CA10: variants seen among roughly 807,000 people sequenced by gnomAD.
CA10 encodes carbonic anhydrase 10 (inactive), also known as carbonic anhydrase-related protein 10.
CA10 carries 14 observed loss-of-function variants against 44.2 expected under a neutral mutation model. The ratio of observed to expected loss-of-function variants is 0.32; its 90% CI spans 0.21 to 0.50. CA10 has a LOEUF of 0.50. Ranked by LOEUF, CA10 falls within the 20% of genes least tolerant of loss-of-function variation. The pLI, the probability that CA10 is intolerant of heterozygous loss-of-function variation, is 0.99. For missense variants in CA10, 350 were observed against 409.7 expected (o/e 0.85, Z 1.26); for synonymous variants, 159 against 141.6 (o/e 1.12, Z -0.87).
At chr17:52,068,621 A>G (rs1987598022) in intron 2 of CA10, among the ~76,000 whole-genome samples, 1 of 152,216 alleles carries the variant, frequency 6.6e-6, no homozygotes, top group African/African-American at 2.4e-5. Flanking sequence ...CAAGTGACAG[A>G]AAGTCTGACT....
chr17:51,794,702 G>A (rs1906643314), intron 3 of CA10, among the ~76,000 whole-genome samples: 1 of 152,160 alleles, frequency 6.6e-6, no homozygotes, highest in African/African-American at 2.4e-5. Context: ...CACTGGAATA[G>A]AGATTGTCAG....
chr17:51,989,595 C>T, intron 2 of CA10, among the ~76,000 whole-genome samples: 1 of 152,044 alleles, frequency 6.6e-6, no homozygotes, highest in Non-Finnish European at 1.5e-5. Flanking sequence ...AATGTGGTAC[C>T]TATAACCATA....
intron 3 of CA10, among the ~76,000 whole-genome samples, chr17:51,813,012 A>C (rs774160479): frequency 6.6e-6 from 1 of 152,240 alleles, no homozygotes; most frequent in Non-Finnish European, 1.5e-5. Flanking sequence ...TATTTACTTT[A>C]AAAAGTTCAA....
At chr17:52,013,635 G>A (rs1005908324) in intron 2 of CA10, among the ~76,000 whole-genome samples, 1 of 151,928 alleles carries the variant, frequency 6.6e-6, no homozygotes, top group East Asian at 1.9e-4. Flanking sequence ...ACTTGTTAGA[G>A]TATATACTTG....
intron 1 of CA10, among the ~76,000 whole-genome samples, chr17:52,125,561 T>C (rs777873480): frequency 2.0e-4 from 30 of 152,316 alleles, no homozygotes; most frequent in Middle Eastern, 3.4e-3. Context: ...AGGAGTACCC[T>C]ATATGTAAAT....
At chr17:52,000,284 T>G (rs760743878) in intron 2 of CA10, among the ~76,000 whole-genome samples, 4 of 152,078 alleles carry the variant, frequency 2.6e-5, no homozygotes, top group Non-Finnish European at 5.9e-5. Flanking sequence ...CTATGGTTTC[T>G]GAATATCCTG....
intron 4 of CA10, among the ~76,000 whole-genome samples, chr17:51,738,892 T>C (rs1159145854): frequency 3.3e-5 from 5 of 152,218 alleles, no homozygotes; most frequent in Non-Finnish European, 7.3e-5. Flanking sequence ...TCAGGAAACT[T>C]GGGTTCTGGT....
chr17:51,631,612 A>AAGAG lies in CA10; in HGVS notation c.965-10_965-7dup. 1 of 1,611,208 alleles carries AAGAG rather than the reference A, an allele frequency of 6.2e-7. No homozygotes were observed. The highest frequency in any genetic ancestry group is 1.1e-5 in the South Asian group (1 of 90,868). On this transcript the variant is annotated splice_polypyrimidine_tract_variant and splice_region_variant and intron_variant, in intron 8 of 8. Transcript: ENST00000451037. ...CTTGAGGAGCCATTCATTTACTGCA[A>AAGAG]AGAGAGAGAAAGAAAAAAAAAATCA...
At chr17:52,139,893 C>CTGTTTGGAGTGGG (rs1278228916) in intron 1 of CA10, among the ~76,000 whole-genome samples, 3 of 152,144 alleles carry the variant, frequency 2.0e-5, no homozygotes, top group Non-Finnish European at 4.4e-5. Flanking sequence ...AGTTAAGTGG[C>CTGTTTGGAGTGGG]TGTTTGGAGT....
At chr17:52,054,946 C>G (rs2058310) in intron 2 of CA10, among the ~76,000 whole-genome samples, 151,029 of 152,202 alleles carry the variant, frequency 0.99, 74,943 homozygotes, top group East Asian at 1. Context: ...ATAAGATTTA[C>G]TGAGCTCTTA....
At chr17:52,081,984 C>T (rs535938909) in intron 1 of CA10, among the ~76,000 whole-genome samples, 4 of 152,214 alleles carry the variant, frequency 2.6e-5, no homozygotes, top group Admixed American at 2.0e-4. Context: ...CATCTTCAGT[C>T]TCCTCATGGC....
chr17:52,046,265 G>GAACT lies in CA10; in HGVS notation c.136+26050_136+26053dup, dbSNP rs1454360244. 2.7e-5 allele frequency among the ~76,000 whole-genome samples: 4 copies of GAACT among 149,042 alleles called. 1 individual carries two copies. In the East Asian group the frequency reaches 8.0e-4, roughly 30 times the overall value. On this transcript the variant is annotated intron_variant, in intron 2 of 8. Coordinates refer to ENST00000451037, the MANE Select transcript of CA10 (RefSeq NM_020178.5). Reference sequence around the variant, plus strand: ...AAAGAAAATCCATGACACCAACCAAGAACTGTTCTTTTGAGAAATTGACAA... The same window carrying GAACT: ...AAAGAAAATCCATGACACCAACCAAGAACTAACTGTTCTTTTGAGAAATTGACAA...
intron 2 of CA10, among the ~76,000 whole-genome samples, chr17:52,005,049 G>A (rs1025469885): frequency 3.3e-5 from 5 of 151,736 alleles, no homozygotes; most frequent in Non-Finnish European, 7.4e-5. Context: ...AACTTCAATC[G>A]TATATTAGCA....
Position 51,868,891 on chromosome 17 carries a change from G to T in CA10, c.279+62099C>A, listed in dbSNP as rs796747349. Among the ~76,000 whole-genome samples, 493 of 139,376 alleles carry T rather than the reference G, an allele frequency of 3.5e-3. 3 individuals are homozygous for T. The highest frequency in any genetic ancestry group is 0.011 in the African/African-American group (419 of 38,664). 91.4% of individuals were successfully genotyped at this position (139,376 alleles called of 152,430 possible). ...TAGCTATGAAGCCAAAAGTTTTTTT[G>T]TTTTTTTTTTTTTACAAAAGATGTT... On this transcript the variant is annotated intron_variant, in intron 3 of 8. Transcript: ENST00000451037.
At chr17:51,674,621 A>G (rs1461155275) in intron 4 of CA10, among the ~76,000 whole-genome samples, 2 of 152,362 alleles carry the variant, frequency 1.3e-5, no homozygotes, top group East Asian at 1.9e-4. Context: ...TAATTAATCC[A>G]TACATCTACC....
At chr17:52,140,960 G>T (rs754565680) in intron 1 of CA10, among the ~76,000 whole-genome samples, 31 of 152,106 alleles carry the variant, frequency 2.0e-4, no homozygotes, top group Non-Finnish European at 3.5e-4. Flanking sequence ...ATCATCAGGG[G>T]GAAAGTTTGA....
At chr17:52,041,901 G>A (rs558023602) in intron 2 of CA10, among the ~76,000 whole-genome samples, 4 of 152,110 alleles carry the variant, frequency 2.6e-5, no homozygotes, top group African/African-American at 4.8e-5. Context: ...CATTCATGTC[G>A]TGGCAAGTGA....
chr17:51,960,903 C>G (rs1421458382), intron 2 of CA10, among the ~76,000 whole-genome samples: 1 of 152,146 alleles, frequency 6.6e-6, no homozygotes, highest in Non-Finnish European at 1.5e-5. Flanking sequence ...TTTAATCAAA[C>G]ATGAGTCTAG....
chr17:51,676,484 T>A (rs1440630749), intron 4 of CA10, among the ~76,000 whole-genome samples: 1 of 152,192 alleles, frequency 6.6e-6, no homozygotes, highest in African/African-American at 2.4e-5. Context: ...CACCCAGACC[T>A]ACTGCACCAG....
Sources: allele counts gnomAD v4.1 joint callset (sites outside exome capture counted in the v4.1 genomes callset), GRCh38; gene constraint gnomAD v4.1.1; transcripts MANE v1.5; gene names NCBI Gene and HGNC (gene_info 2026-07-23, HGNC 2026-07-21).